NAA25: variants seen among roughly 807,000 people sequenced by gnomAD.
The protein encoded by NAA25 is N-terminal acetyltransferase B complex subunit NAA25.
NAA25 carries 30 observed loss-of-function variants against 132.5 expected under a neutral mutation model. The ratio of observed to expected loss-of-function variants is 0.23; its 90% CI spans 0.17 to 0.31. NAA25 has a LOEUF of 0.31. Ranked by LOEUF, NAA25 falls within the 10% of genes least tolerant of loss-of-function variation. The pLI is 1.00. For synonymous variants in NAA25, 359 were observed against 401.9 expected (o/e 0.89, Z 1.28); for missense variants, 771 against 1,150.4 (o/e 0.67, Z 4.77).
chr12:112,074,397 T>C (rs1593801173), intron 9 of NAA25, among the ~76,000 whole-genome samples: 1 of 139,336 alleles, frequency 7.2e-6, no homozygotes, highest in African/African-American at 2.7e-5. Flanking sequence ...AGCATAAAGA[T>C]GGAAATAAAT....
At chr12:112,068,803 A>G in intron 11 of NAA25, 77 bp downstream of exon 11, 2 of 794,488 alleles carry the variant, frequency 2.5e-6, no homozygotes, top group Middle Eastern at 2.4e-4. Flanking sequence ...CATTTTAGAA[A>G]AGAAACCCAA....
At chr12:112,082,868 G>A (rs771227939) in intron 4 of NAA25, among the ~76,000 whole-genome samples, 6 of 152,012 alleles carry the variant, frequency 3.9e-5, no homozygotes, top group Non-Finnish European at 5.9e-5. Context: ...GTATCAACGC[G>A]AAGTAGGAGA....
intron 11 of NAA25, among the ~76,000 whole-genome samples, chr12:112,064,719 T>C (rs895812968): frequency 1.3e-5 from 2 of 152,196 alleles, no homozygotes; most frequent in East Asian, 3.8e-4. Context: ...TTTACTGCTG[T>C]GCAAAAAATT....
At chr12:112,099,153 A>AT (rs928249096) in intron 1 of NAA25, among the ~76,000 whole-genome samples, 1 of 151,444 alleles carries the variant, frequency 6.6e-6, no homozygotes, top group African/African-American at 2.4e-5. Flanking sequence ...CACCCAGCTA[A>AT]TTTTTTTTGT....
intron 9 of NAA25, among the ~76,000 whole-genome samples, chr12:112,073,269 C>G (rs1253919464): frequency 6.6e-6 from 1 of 151,682 alleles, no homozygotes; most frequent in Non-Finnish European, 1.5e-5. Context: ...AATACACACA[C>G]ACACACACAC....
chr12:112,084,969 C>T (rs2079024041), intron 4 of NAA25, among the ~76,000 whole-genome samples: 1 of 151,962 alleles, frequency 6.6e-6, no homozygotes, highest in Non-Finnish European at 1.5e-5. Context: ...CAGTGGCTCA[C>T]GCCTGTAATC....
rs1351761586 is a variant in NAA25 at position 112,048,379 on chromosome 12, G to A, written c.1793C>T (p.Ala598Val). 5.0e-6 allele frequency: 8 copies of A among 1,613,794 alleles called. No homozygotes were observed. The highest frequency in any genetic ancestry group is 2.2e-5 in the East Asian group (1 of 44,866). The change falls in exon 16 of 24, where the codon GCT becomes GTT. Residue 598 changes from alanine to valine, a missense_variant. Around this residue, in one of 3 missense-constraint regions of NAA25, gnomAD observed 417 missense variants for 733.8 expected, o/e 0.57. Transcript: ENST00000261745. ...AGAATTATTCAGCCTGTTCCTAAAA[G>A]CGATAAACTCTGGGATCTTCTCAAA... ...GAFEKIPEFI[A>V]FRNRLNNSLH...
At chr12:112,067,279 A>G (rs2078732739) in intron 11 of NAA25, among the ~76,000 whole-genome samples, 1 of 152,248 alleles carries the variant, frequency 6.6e-6, no homozygotes, top group Admixed American at 6.5e-5. Flanking sequence ...TTTGTGCTGC[A>G]GAATTTCATG....
intron 13 of NAA25, among the ~76,000 whole-genome samples, chr12:112,057,987 A>C (rs538993221): frequency 1.4e-4 from 22 of 152,264 alleles, no homozygotes; most frequent in African/African-American, 4.6e-4. Flanking sequence ...CTCAAAAAAA[A>C]CCCACAAAAG....
chr12:112,039,203 T>G (rs764685587), intron 22 of NAA25, 26 bp downstream of exon 22: 4 of 1,376,574 alleles, frequency 2.9e-6, no homozygotes, highest in Non-Finnish European at 4.1e-6. Context: ...TTGTTCCTTG[T>G]ATATCACTTG....
At chr12:112,054,619 TTCCC>T in intron 13 of NAA25, 51 bp from the exon 14 acceptor site, 1 of 1,534,294 alleles carries the variant, frequency 6.5e-7, no homozygotes, top group African/African-American at 1.4e-5. Flanking sequence ...AAATGAAAGC[TTCCC>T]AAAAACAAAA....
intron 1 of NAA25, among the ~76,000 whole-genome samples, chr12:112,102,366 T>G (rs1305841648): frequency 1.3e-5 from 2 of 151,782 alleles, no homozygotes; most frequent in East Asian, 3.9e-4. Context: ...CAGCAAGACC[T>G]TGTCTCCAAA....
chr12:112,107,972 A>C (rs1020282589), intron 1 of NAA25, among the ~76,000 whole-genome samples: 1 of 152,198 alleles, frequency 6.6e-6, no homozygotes, highest in African/African-American at 2.4e-5. Flanking sequence ...GGATCTGCTT[A>C]GCACAGGGAA....
chr12:112,061,456 C>G, intron 11 of NAA25, 68 bp from the exon 12 acceptor site: 2 of 1,131,064 alleles, frequency 1.8e-6, no homozygotes, highest in Non-Finnish European at 2.7e-6. Flanking sequence ...CCATAATTAA[C>G]AGAAATTGAA....
chr12:112,102,071 G>A (rs999242853), intron 1 of NAA25, among the ~76,000 whole-genome samples: 12 of 151,556 alleles, frequency 7.9e-5, no homozygotes, highest in African/African-American at 1.9e-4. Flanking sequence ...TTTTCACCAC[G>A]TTGGCCAGGC....
chr12:112,079,009 G>T (rs1412658834), intron 5 of NAA25, among the ~76,000 whole-genome samples: 1 of 152,088 alleles, frequency 6.6e-6, no homozygotes, highest in African/African-American at 2.4e-5. Context: ...CATTTTTCTA[G>T]AAGAATGTAA....
chr12:112,107,848 T>C (rs1391964782), intron 1 of NAA25, among the ~76,000 whole-genome samples: 5 of 152,214 alleles, frequency 3.3e-5, no homozygotes, highest in African/African-American at 7.2e-5. Flanking sequence ...ATTTCGGTTA[T>C]TGGAAAAGGG....
chr12:112,033,401 A>G (rs1275576781), intron 22 of NAA25, 22 bp from the exon 23 acceptor site: 9 of 1,587,546 alleles, frequency 5.7e-6, no homozygotes, highest in African/African-American at 4.1e-5. Context: ...ATTAAAAAAG[A>G]GTTGAAACAT....
chr12:112,071,848 G>T (rs777708271), intron 10 of NAA25, 47 bp downstream of exon 10: 1 of 1,194,560 alleles, frequency 8.4e-7, no homozygotes, highest in Admixed American at 3.2e-5. Context: ...ATAGCACTTG[G>T]GTATTAAGGG....
Sources: allele counts gnomAD v4.1 joint callset (sites outside exome capture counted in the v4.1 genomes callset), GRCh38; gene constraint gnomAD v4.1.1; regional missense constraint gnomAD v4.1.1; transcripts MANE v1.5; gene names NCBI Gene and HGNC (gene_info 2026-07-23, HGNC 2026-07-21).